The following ST6GAL2 variants were observed in gnomAD, a reference collection of about 807,000 sequenced individuals.
ST6GAL2 encodes ST6 beta-galactoside alpha-2,6-sialyltransferase 2, also known as beta-galactoside alpha-2,6-sialyltransferase 2.
ST6GAL2 carries 24 observed loss-of-function variants against 37.5 expected under a neutral mutation model. The observed-to-expected ratio is 0.64, with a 90% CI of 0.46 to 0.90. The LOEUF is 0.90. ST6GAL2 is among the 40% of genes least tolerant of loss of function. The probability of loss-of-function intolerance (pLI) is 0.00; values close to 1 mark genes in which losing one functional copy is unlikely to be tolerated. For synonymous variants in ST6GAL2, 306 were observed against 295.1 expected (o/e 1.04, Z -0.38); for missense variants, 715 against 712.7 (o/e 1.00, Z -0.04).
chr2:106,843,970 G>A lies in ST6GAL2; in HGVS notation c.8C>T (p.Pro3Leu), dbSNP rs1677045767. Residue 3 changes from proline (P) to leucine (L), a missense_variant, in exon 2 of 6, where the codon CCA (proline) becomes CTA (leucine). Physicochemically the swap from Pro to Leu is moderately conservative, Grantham distance 98. This residue lies in a region of ST6GAL2 where 512 missense variants were observed against 488.8 expected (regional missense o/e 1.05). Transcript: ENST00000409382. ...TCGTTGTCTCCATTGCTTCAAGTGT[G>A]GTTTCATGGCAGGTCTCTGCGGTCA... MK[P>L]HLKQWRQRML... The A allele has an allele frequency of 3.2e-6, 5 of 1,574,396 alleles. No individual in the cohort carries two copies. Among genetic ancestry groups the A allele is most frequent in the Non-Finnish European group, 4.3e-6 (5 of 1,161,770 alleles).
intron 1 of ST6GAL2, among the ~76,000 whole-genome samples, chr2:106,853,303 C>A (rs566894286): frequency 1.3e-5 from 2 of 152,176 alleles, no homozygotes; most frequent in African/African-American, 4.8e-5. Flanking sequence ...AACTGCCAGG[C>A]GGATTTTGCC....
intron 5 of ST6GAL2, among the ~76,000 whole-genome samples, chr2:106,827,412 C>A (rs1379194398): frequency 6.6e-6 from 1 of 152,108 alleles, no homozygotes; most frequent in Non-Finnish European, 1.5e-5. Flanking sequence ...AGAACTCATC[C>A]AAGCTGTCTC....
intron 2 of ST6GAL2, among the ~76,000 whole-genome samples, chr2:106,839,310 G>C (rs1676778380): frequency 6.6e-6 from 1 of 151,980 alleles, no homozygotes; most frequent in Non-Finnish European, 1.5e-5. Context: ...TCCTCTCCCT[G>C]GAGCAGTCTT....
At position 106,885,526 on chromosome 2, in the gene ST6GAL2, G is replaced by A. The variant is rs1678943095; in HGVS notation, c.-58+567C>T. 2.0e-5 allele frequency among the ~76,000 whole-genome samples: 3 copies of A among 152,106 alleles called. No homozygotes were observed. In the South Asian group the frequency reaches 6.2e-4, roughly 32 times the overall value. ...AGGCAGCACTTGCGGGAGCCATTGA[G>A]TTTAACTTCACTCAGTCCCCCAACA... On this transcript the variant is annotated intron_variant, in intron 1 of 5. Coordinates refer to ENST00000409382, the MANE Select transcript of ST6GAL2 (RefSeq NM_001142351.2).
rs1411557461 is a variant in ST6GAL2, at chr2:106,804,795, T to C, written c.*1883A>G. Reference sequence around the variant, plus strand: ...AGGCAGAGCTGGCAGTGAACCAAGATCGCACCACTGCACTCTAGCCTGGGC... The same window carrying C: ...AGGCAGAGCTGGCAGTGAACCAAGACCGCACCACTGCACTCTAGCCTGGGC... On this transcript the variant is annotated 3_prime_UTR_variant, in exon 6 of 6. Transcript: ENST00000409382. 2 of 131,974 alleles carry C rather than the reference T, an allele frequency of 1.5e-5. No individual in the cohort carries two copies. The highest frequency in any genetic ancestry group is 4.5e-4 in the East Asian group (2 of 4,480). 8.2% of individuals were successfully genotyped at this position (131,974 alleles called of 1,614,324 possible).
intron 5 of ST6GAL2, among the ~76,000 whole-genome samples, chr2:106,829,588 G>C (rs547838920): frequency 2.0e-5 from 3 of 152,104 alleles, no homozygotes; most frequent in Non-Finnish European, 4.4e-5. Context: ...AGAAAGAACT[G>C]CCCAGCCAGG....
At chr2:106,869,710 T>C (rs1353579395) in intron 1 of ST6GAL2, among the ~76,000 whole-genome samples, 1 of 152,150 alleles carries the variant, frequency 6.6e-6, no homozygotes, top group Non-Finnish European at 1.5e-5. Flanking sequence ...AGTTGACTGA[T>C]AGGGAGGCTC....
At position 106,806,939 on chromosome 2, in the gene ST6GAL2, T is replaced by G. The variant is rs1470590; in HGVS notation, c.1329A>C (p.Ile443=). The change falls in exon 6 of 6, where the codon ATA becomes ATC. Residue 443 remains isoleucine (I), a synonymous_variant. Coordinates refer to ENST00000409382, the MANE Select transcript of ST6GAL2 (RefSeq NM_001142351.2). ...GCACCTCTCTGCACATGGACATCAT[T>G]ATGAGGATTCCTGACATGAAAACCA... ...PPSSGFIGIL[I]MMSMCREVHV... 0.55 allele frequency: 884,162 copies of G among 1,606,372 alleles called. 249,931 individuals carry two copies. Among genetic ancestry groups the G allele is most frequent in the Non-Finnish European group, 0.58 (682,647 of 1,174,164 alleles).
chr2:106,880,104 T>C (rs933986720), intron 1 of ST6GAL2, among the ~76,000 whole-genome samples: 1 of 151,708 alleles, frequency 6.6e-6, no homozygotes, highest in African/African-American at 2.4e-5. Context: ...AAGAAAACCA[T>C]ATTACACTTG....
intron 1 of ST6GAL2, among the ~76,000 whole-genome samples, chr2:106,872,893 AT>A (rs901591956): frequency 3.3e-5 from 5 of 151,838 alleles, no homozygotes; most frequent in South Asian, 2.1e-4. Flanking sequence ...ATCGCTGGTA[AT>A]TTTTTTTTAT....
intron 2 of ST6GAL2, among the ~76,000 whole-genome samples, chr2:106,839,444 C>T (rs940455883): frequency 2.0e-5 from 3 of 152,176 alleles, no homozygotes; most frequent in African/African-American, 7.2e-5. Flanking sequence ...CTGTTTACCA[C>T]TGAAGTGTGC....
intron 1 of ST6GAL2, among the ~76,000 whole-genome samples, chr2:106,860,031 G>A (rs1311817346): frequency 6.6e-6 from 1 of 152,064 alleles, no homozygotes; most frequent in Admixed American, 6.5e-5. Flanking sequence ...ATTTGCTTGG[G>A]CCCTTCCCTC....
Position 106,843,196 on chromosome 2 carries a change from ACG to A in ST6GAL2, c.780_781del (p.Val261AlafsTer57). ...CGCCTCGGTGCCGTCCAGCGTCCGC[ACG>A]CGCGCGCGGCTCCGCAGCTGGCACA... is the stretch of plus-strand genomic sequence containing the variant. On this transcript the variant is annotated frameshift_variant, in exon 2 of 6. Coordinates refer to ENST00000409382, the MANE Select transcript of ST6GAL2 (RefSeq NM_001142351.2). LOFTEE classifies it high-confidence loss of function. 3 of 1,548,504 alleles carry A rather than the reference ACG, an allele frequency of 1.9e-6. No individual in the cohort carries two copies. Among genetic ancestry groups the A allele is most frequent in the South Asian group, 1.2e-5 (1 of 84,524 alleles).
At chr2:106,850,040 T>C (rs1677294472) in intron 1 of ST6GAL2, among the ~76,000 whole-genome samples, 1 of 152,212 alleles carries the variant, frequency 6.6e-6, no homozygotes, top group Non-Finnish European at 1.5e-5. Context: ...GCCTGGGCCA[T>C]GGTCACTCAC....
In ST6GAL2 at chr2:106,843,870, A is replaced by C. The variant is rs201319234; in HGVS notation, c.108T>G (p.Ala36=). 32 of 1,610,620 alleles carry C rather than the reference A, an allele frequency of 2.0e-5. No homozygotes were observed. The East Asian group carries it at 6.9e-4, about 35-fold the overall frequency. Residue 36 remains alanine (A), a synonymous_variant, in exon 2 of 6, where the codon GCT becomes GCG. Transcript: ENST00000409382. Reference sequence around the variant, plus strand: ...AGGAGAGGGAGCTGGGTACAGGCTCAGCGGGGTTGCTGTCGGTGAAGTAGA... The same window carrying C: ...AGGAGAGGGAGCTGGGTACAGGCTCCGCGGGGTTGCTGTCGGTGAAGTAGA... ...IFIYFTDSNP[A]EPVPSSLSFL...
intron 1 of ST6GAL2, among the ~76,000 whole-genome samples, chr2:106,863,145 C>T (rs867416576): frequency 2.6e-5 from 4 of 152,068 alleles, no homozygotes; most frequent in African/African-American, 9.7e-5. Context: ...TCTGGAGAAA[C>T]GAGGCGAGTT....
intron 5 of ST6GAL2, among the ~76,000 whole-genome samples, chr2:106,817,118 A>C (rs2104431131): frequency 6.6e-6 from 1 of 152,328 alleles, no homozygotes; most frequent in African/African-American, 2.4e-5. Context: ...CTGTGTCCTA[A>C]ATAAACATCA....
At chr2:106,876,845 C>T (rs899556812) in intron 1 of ST6GAL2, among the ~76,000 whole-genome samples, 15 of 152,154 alleles carry the variant, frequency 9.9e-5, no homozygotes, top group Admixed American at 9.2e-4. Flanking sequence ...CGGAGTAAAC[C>T]TGTGCCTTGG....
At chr2:106,844,974 T>G (rs956867981) in intron 1 of ST6GAL2, among the ~76,000 whole-genome samples, 14 of 152,176 alleles carry the variant, frequency 9.2e-5, no homozygotes, top group African/African-American at 3.4e-4. Flanking sequence ...GCTCCTAACT[T>G]CAGGAACTTA....
Sources: allele counts gnomAD v4.1 joint callset (sites outside exome capture counted in the v4.1 genomes callset), GRCh38; gene constraint gnomAD v4.1.1; regional missense constraint gnomAD v4.1.1; transcripts MANE v1.5; gene names NCBI Gene and HGNC (gene_info 2026-07-23, HGNC 2026-07-21).